Variants in NPAS3 observed in about 807,000 individuals in gnomAD.
NPAS3 encodes neuronal PAS domain-containing protein 3.
In NPAS3, 14 loss-of-function variants were observed where a neutral mutation model predicts 73.1. The ratio of observed to expected loss-of-function variants is 0.19; its 90% CI spans 0.13 to 0.30. The LOEUF (loss-of-function observed/expected upper bound fraction) is 0.30, where lower values mean the gene tolerates loss of function less well. NPAS3 is among the 10% of genes least tolerant of loss of function. The pLI is 1.00. For missense variants in NPAS3, 1,096 were observed against 1,250.0 expected (o/e 0.88, Z 1.86); for synonymous variants, 620 against 541.5 (o/e 1.14, Z -2.01).
chr14:33,624,490 T>A (rs2058168088), intron 5 of NPAS3, among the ~76,000 whole-genome samples: 1 of 152,174 alleles, frequency 6.6e-6, no homozygotes, highest in Non-Finnish European at 1.5e-5. Flanking sequence ...TTTGTGAGAT[T>A]CTCAGAGGTC....
chr14:33,239,267 G>A (rs2048139819), intron 3 of NPAS3, among the ~76,000 whole-genome samples: 1 of 151,822 alleles, frequency 6.6e-6, no homozygotes, highest in Non-Finnish European at 1.5e-5. Context: ...AGAGAGGTGT[G>A]TACTTATAGA....
intron 9 of NPAS3, among the ~76,000 whole-genome samples, chr14:33,793,247 G>A (rs1363236999): frequency 6.6e-6 from 1 of 152,208 alleles, no homozygotes; most frequent in Non-Finnish European, 1.5e-5. Context: ...AGTCAATTCT[G>A]TGCCTCCCTT....
chr14:33,679,246 G>C (rs1335895792), intron 6 of NPAS3, among the ~76,000 whole-genome samples: 1 of 152,188 alleles, frequency 6.6e-6, no homozygotes, highest in Non-Finnish European at 1.5e-5. Context: ...AACCTTCAAA[G>C]TCTGCAGTGT....
chr14:32,953,754 A>T (rs895404985), intron 1 of NPAS3, among the ~76,000 whole-genome samples: 1 of 152,126 alleles, frequency 6.6e-6, no homozygotes, highest in Non-Finnish European at 1.5e-5. Flanking sequence ...GGGTGATAAA[A>T]AGAGGGTCAA....
intron 9 of NPAS3, among the ~76,000 whole-genome samples, chr14:33,781,111 C>T (rs1188754036): frequency 6.6e-6 from 1 of 152,178 alleles, no homozygotes; most frequent in African/African-American, 2.4e-5. Context: ...AAGTAGCACA[C>T]AATTAGTAAA....
chr14:33,772,506 A>G (rs890038200), intron 7 of NPAS3, among the ~76,000 whole-genome samples: 1 of 152,222 alleles, frequency 6.6e-6, no homozygotes, highest in African/African-American at 2.4e-5. Context: ...TTTGGAATAG[A>G]ATACCAAGTG....
intron 1 of NPAS3, among the ~76,000 whole-genome samples, chr14:32,980,481 T>G (rs1381308146): frequency 6.6e-6 from 1 of 152,230 alleles, no homozygotes; most frequent in Admixed American, 6.5e-5. Flanking sequence ...GTAATGATTG[T>G]TTCATATTAA....
intron 2 of NPAS3, among the ~76,000 whole-genome samples, chr14:33,206,505 G>A (rs1041339573): frequency 2.2e-4 from 33 of 152,018 alleles, no homozygotes; most frequent in Non-Finnish European, 1.0e-4. Flanking sequence ...GTGCTCCCCC[G>A]CCAATAGTGG....
chr14:33,782,040 G>A (rs558863258), intron 9 of NPAS3, among the ~76,000 whole-genome samples: 2 of 152,278 alleles, frequency 1.3e-5, no homozygotes, highest in Admixed American at 6.5e-5. Context: ...CGCCAACATG[G>A]TATGTTAGTG....
chr14:33,456,916 C>T (rs1247800196), intron 4 of NPAS3, among the ~76,000 whole-genome samples: 1 of 152,158 alleles, frequency 6.6e-6, no homozygotes, highest in Non-Finnish European at 1.5e-5. Flanking sequence ...GCAACTCAAG[C>T]AGGGGAAGGA....
chr14:32,978,206 G>A (rs1281784191), intron 1 of NPAS3, among the ~76,000 whole-genome samples: 1 of 152,156 alleles, frequency 6.6e-6, no homozygotes, highest in East Asian at 1.9e-4. Context: ...TTAGCTATGT[G>A]TATGTATTCT....
chr14:33,772,874 G>T (rs2062697551), intron 7 of NPAS3, among the ~76,000 whole-genome samples: 1 of 152,072 alleles, frequency 6.6e-6, no homozygotes, highest in African/African-American at 2.4e-5. Flanking sequence ...TTCAAATGTG[G>T]GTGGTCGAAA....
chr14:33,477,882 G>A (rs1443815168), intron 4 of NPAS3, among the ~76,000 whole-genome samples: 3 of 152,192 alleles, frequency 2.0e-5, no homozygotes, highest in Non-Finnish European at 4.4e-5. Flanking sequence ...TTCTTCTGTG[G>A]TCATTATCTT....
chr14:33,136,062 T>TC (rs1421303317), intron 2 of NPAS3, among the ~76,000 whole-genome samples: 8 of 137,386 alleles, frequency 5.8e-5, no homozygotes, highest in East Asian at 2.0e-4. Flanking sequence ...TTTTTTCTTT[T>TC]TTTTTTTTTT....
intron 4 of NPAS3, among the ~76,000 whole-genome samples, chr14:33,462,908 C>G (rs1214788562): frequency 6.6e-6 from 1 of 152,122 alleles, no homozygotes; most frequent in East Asian, 1.9e-4. Flanking sequence ...AAAATGAGAT[C>G]TTACATGTAA....
rs17100855 is a variant in NPAS3, at chr14:33,374,564, T to C, written c.468+7296T>C. The stretch of plus-strand genomic sequence containing the variant: ...TCTTATTTATGTATTTGTTACTGTT[T>C]CAGTATTGCTAGCTACAGCATCTCT... On this transcript the variant is annotated intron_variant, in intron 4 of 11. Coordinates refer to ENST00000356141, the Ensembl canonical transcript of NPAS3. 8.6e-3 allele frequency among the ~76,000 whole-genome samples: 1,305 copies of C among 152,182 alleles called. 16 individuals carry two copies. Among genetic ancestry groups the C allele is most frequent in the African/African-American group, 0.03 (1,227 of 41,504 alleles).
intron 1 of NPAS3, among the ~76,000 whole-genome samples, chr14:32,946,580 C>T (rs1595065514): frequency 7.2e-6 from 1 of 139,698 alleles, no homozygotes; most frequent in Admixed American, 7.3e-5. Flanking sequence ...CCACATTTAT[C>T]TTTACGTTTT....
intron 5 of NPAS3, among the ~76,000 whole-genome samples, chr14:33,643,908 C>G (rs921849212): frequency 6.6e-6 from 1 of 151,954 alleles, no homozygotes; most frequent in Non-Finnish European, 1.5e-5. Context: ...AACCTAAAGA[C>G]TGCTTGTCTT....
At chr14:32,985,513 T>C (rs2038061521) in intron 1 of NPAS3, among the ~76,000 whole-genome samples, 1 of 152,120 alleles carries the variant, frequency 6.6e-6, no homozygotes, top group Non-Finnish European at 1.5e-5. Flanking sequence ...ATAATTTATC[T>C]AATGCCAAAA....
Sources: allele counts gnomAD v4.1 joint callset (sites outside exome capture counted in the v4.1 genomes callset), GRCh38; gene constraint gnomAD v4.1.1; transcripts MANE v1.5; gene names NCBI Gene and HGNC (gene_info 2026-07-23, HGNC 2026-07-21).